CLIC5: variants seen among roughly 807,000 people sequenced by gnomAD.
CLIC5 encodes the protein CLIC family member 5, also known as chloride intracellular channel protein 5.
Under a neutral mutation model 24.7 loss-of-function variants are expected in CLIC5, and 20 were observed. The observed-to-expected ratio is 0.81, with a 90% CI of 0.57 to 1.18. CLIC5 has a LOEUF of 1.18. Ranked by LOEUF, CLIC5 falls within the 50% of genes most tolerant of loss-of-function variation. CLIC5 has a pLI of 0.00. For missense variants in CLIC5, 341 were observed against 326.1 expected, an observed-to-expected ratio of 1.05 and a Z score of -0.35; for synonymous variants, 159 against 135.6, an observed-to-expected ratio of 1.17 and a Z score of -1.20.
intron 1 of CLIC5, among the ~76,000 whole-genome samples, chr6:45,980,885 T>A: frequency 6.6e-6 from 1 of 152,188 alleles, no homozygotes. Flanking sequence ...CTTTTTTCCC[T>A]CCTTGCCTTC....
intron 1 of CLIC5, among the ~76,000 whole-genome samples, chr6:46,037,954 CAATA>C (rs1430135617): frequency 1.3e-5 from 2 of 152,154 alleles, no homozygotes; most frequent in African/African-American, 4.8e-5. Flanking sequence ...AGGCAAGTGA[CAATA>C]AGCCTCAGGG....
At chr6:45,988,234 T>A (rs1765808667) in intron 1 of CLIC5, among the ~76,000 whole-genome samples, 1 of 152,068 alleles carries the variant, frequency 6.6e-6, no homozygotes, top group Non-Finnish European at 1.5e-5. Context: ...GGGTGATGGG[T>A]CCCAAGCAAG....
At chr6:45,974,135 G>C (rs73738317) in intron 1 of CLIC5, among the ~76,000 whole-genome samples, 5,659 of 152,044 alleles carry the variant, frequency 0.037, 349 homozygotes, top group African/African-American at 0.13. Context: ...TGTTCGTATT[G>C]TACGTGTGAG....
intron 1 of CLIC5, among the ~76,000 whole-genome samples, chr6:46,009,289 A>G (rs965900783): frequency 3.3e-5 from 5 of 152,032 alleles, no homozygotes; most frequent in African/African-American, 1.2e-4. Flanking sequence ...TAGGCTATTT[A>G]TCTTATTTGT....
intron 1 of CLIC5, among the ~76,000 whole-genome samples, chr6:45,982,104 G>A (rs1035047734): frequency 2.6e-5 from 4 of 152,186 alleles, no homozygotes; most frequent in Admixed American, 6.5e-5. Flanking sequence ...TGAGAAACGG[G>A]AAATGTGAGG....
At chr6:45,999,574 G>T (rs9472653) in intron 1 of CLIC5, among the ~76,000 whole-genome samples, 1 of 151,622 alleles carries the variant, frequency 6.6e-6, no homozygotes, top group Non-Finnish European at 1.5e-5. Context: ...GTATAAGTGG[G>T]TCTTCCACCT....
intron 1 of CLIC5, among the ~76,000 whole-genome samples, chr6:45,986,398 G>T (rs1313941634): frequency 6.6e-6 from 1 of 152,170 alleles, no homozygotes; most frequent in African/African-American, 2.4e-5. Flanking sequence ...CCAATGATTA[G>T]CTGTGTGACC....
the CLIC5 span, among the ~76,000 whole-genome samples, chr6:46,088,053 T>C: frequency 7.2e-5 from 11 of 152,244 alleles, no homozygotes; most frequent in East Asian, 1.7e-3. Context: ...TTGAAGGGTT[T>C]TGGGATTTTA....
intron 4 of CLIC5, chr6:45,919,097 T>G: frequency 1.0e-6 from 1 of 984,946 alleles, no homozygotes; most frequent in South Asian, 4.7e-5. Context: ...ACAACAACTT[T>G]AATTTCGTCC....
the CLIC5 span, among the ~76,000 whole-genome samples, chr6:46,125,619 A>C: frequency 6.6e-6 from 1 of 152,014 alleles, no homozygotes; most frequent in African/African-American, 2.4e-5. Context: ...AAAATAGTTT[A>C]AGCAAAAAGA....
At chr6:45,981,326 T>C (rs1765562858) in intron 1 of CLIC5, among the ~76,000 whole-genome samples, 1 of 152,000 alleles carries the variant, frequency 6.6e-6, no homozygotes, top group Non-Finnish European at 1.5e-5. Context: ...GAGTAGTATC[T>C]ACTTATATAA....
intron 3 of CLIC5, among the ~76,000 whole-genome samples, chr6:45,948,048 A>G (rs1347339720): frequency 6.6e-6 from 1 of 152,200 alleles, no homozygotes; most frequent in Non-Finnish European, 1.5e-5. Flanking sequence ...ACCTTGGGTA[A>G]GTGACTTACT....
intron 1 of CLIC5, among the ~76,000 whole-genome samples, chr6:45,967,158 A>G (rs1393601384): frequency 1.3e-5 from 2 of 152,228 alleles, no homozygotes; most frequent in Non-Finnish European, 2.9e-5. Flanking sequence ...TGCGTGGAGT[A>G]CCAGCAAGCT....
chr6:45,914,681 G>GAGCCACCACACCCA, intron 4 of CLIC5: 1 of 415,110 alleles, frequency 2.4e-6, no homozygotes, highest in Non-Finnish European at 3.4e-6. Flanking sequence ...GTCTGGGTGT[G>GAGCCACCACACCCA]GTGGCTCACA....
At chr6:46,023,245 G>C (rs1252818240) in intron 1 of CLIC5, among the ~76,000 whole-genome samples, 1 of 152,140 alleles carries the variant, frequency 6.6e-6, no homozygotes, top group Admixed American at 6.5e-5. Flanking sequence ...CATTTGCTTA[G>C]AGCTCACCAT....
At chr6:46,018,802 G>A (rs1036844351), upstream of CLIC5, 1 of 152,212 alleles carries the variant, frequency 6.6e-6, no homozygotes, top group Non-Finnish European at 1.5e-5. Flanking sequence ...AGATTGGCAT[G>A]GCTCCAATGA....
the CLIC5 span, among the ~76,000 whole-genome samples, chr6:46,109,005 C>T: frequency 0.56 from 84,689 of 151,730 alleles, 24,125 homozygotes; most frequent in Middle Eastern, 0.75. Flanking sequence ...TGTATAAATA[C>T]GTTATTAATG....
intron 1 of CLIC5, among the ~76,000 whole-genome samples, chr6:45,973,128 G>C (rs565754480): frequency 6.6e-6 from 1 of 152,284 alleles, no homozygotes; most frequent in South Asian, 2.1e-4. Flanking sequence ...ACCAAACCTA[G>C]AGTCACTGAG....
chr6:46,068,802 A>C (rs1258719553), intron 1 of CLIC5, among the ~76,000 whole-genome samples: 1 of 152,166 alleles, frequency 6.6e-6, no homozygotes, highest in Non-Finnish European at 1.5e-5. Flanking sequence ...ATGGTGATCT[A>C]CAAGCCTTGG....
Sources: gnomAD v4.1 joint callset for allele counts (sites outside exome capture counted in the v4.1 genomes callset) on GRCh38, gnomAD v4.1.1 for gene constraint, MANE v1.5 for transcripts, NCBI Gene and HGNC (gene_info 2026-07-23, HGNC 2026-07-21) for gene names.